PLEKHA7: variants seen among roughly 807,000 people sequenced by gnomAD.
The protein encoded by PLEKHA7 is pleckstrin homology domain containing A7.
In PLEKHA7, 104 loss-of-function variants were observed where a neutral mutation model predicts 170.0. That is an observed-to-expected ratio of 0.61 (90% CI 0.52 to 0.72). The LOEUF (loss-of-function observed/expected upper bound fraction) is 0.72. Ranked by LOEUF, PLEKHA7 falls within the 30% of genes least tolerant of loss-of-function variation. The pLI is 0.00. For synonymous variants in PLEKHA7, 648 were observed against 660.8 expected (o/e 0.98, Z 0.30); for missense variants, 1,615 against 1,671.7 (o/e 0.97, Z 0.59).
In PLEKHA7 at chr11:16,826,593, G is replaced by T. The variant is rs201351425; in HGVS notation, c.873-3C>A. On this transcript the variant is annotated splice_region_variant and splice_polypyrimidine_tract_variant and intron_variant, in intron 9 of 26. Coordinates refer to ENST00000531066, the MANE Select transcript of PLEKHA7 (RefSeq NM_001329630.2). ...GCCGCTCCACCTTCTCCATATCCCT[G>T]CAATGACAGCAGCACATTCAGTTTG... 1.3e-4 allele frequency: 217 copies of T among 1,608,194 alleles called. No individual in the cohort carries two copies. Among genetic ancestry groups the T allele is most frequent in the Middle Eastern group, 1.6e-4 (1 of 6,072 alleles).
chr11:17,011,009 T>C (rs566513064), intron 3 of PLEKHA7, among the ~76,000 whole-genome samples: 68 of 152,318 alleles, frequency 4.5e-4, no homozygotes, highest in South Asian at 6.2e-4. Flanking sequence ...TTGCTTTTTC[T>C]AGGCCTGGGA....
chr11:16,823,250 A>C (rs1850384020), intron 10 of PLEKHA7, among the ~76,000 whole-genome samples: 1 of 152,032 alleles, frequency 6.6e-6, no homozygotes, highest in South Asian at 2.1e-4. Flanking sequence ...AAGCGATCCT[A>C]CCACCTCGGC....
rs1848814652 is a variant in PLEKHA7, at chr11:16,778,766, T to C, written c.*232A>G. 2 of 593,012 alleles carry C rather than the reference T, an allele frequency of 3.4e-6. No homozygotes were observed. Among genetic ancestry groups the C allele is most frequent in the South Asian group, 2.0e-5 (1 of 50,238 alleles). 36.7% of individuals were successfully genotyped at this position (593,012 alleles called of 1,614,324 possible). A position where few individuals can be genotyped will look rare whatever the true frequency, so the allele number is the denominator to read the frequency against. On this transcript the variant is annotated 3_prime_UTR_variant, in exon 27 of 27. Coordinates refer to ENST00000531066, the MANE Select transcript of PLEKHA7 (RefSeq NM_001329630.2). ...TTCTAAAATACAGTGTATTTTACAGTGTATATCAAAAGTGCCTTTGCCATT... is the reference window on the plus strand; with the variant it reads ...TTCTAAAATACAGTGTATTTTACAGCGTATATCAAAAGTGCCTTTGCCATT...
At chr11:16,780,019 C>T (rs116531741) in intron 26 of PLEKHA7, among the ~76,000 whole-genome samples, 1,904 of 151,714 alleles carry the variant, frequency 0.013, 42 homozygotes, top group African/African-American at 0.044. Flanking sequence ...TTGTGTGGAT[C>T]GAAAGAGATA....
At chr11:16,807,163 C>G in intron 13 of PLEKHA7, 1 of 985,400 alleles carries the variant, frequency 1.0e-6, no homozygotes, top group South Asian at 4.7e-5. Flanking sequence ...GGGCCGACAG[C>G]CCCGTGCTGA....
At chr11:17,007,966 T>G (rs1865111200) in intron 3 of PLEKHA7, among the ~76,000 whole-genome samples, 1 of 152,178 alleles carries the variant, frequency 6.6e-6, no homozygotes, top group Non-Finnish European at 1.5e-5. Flanking sequence ...AAGCTAATAC[T>G]TTTTCCTTCT....
intron 4 of PLEKHA7, among the ~76,000 whole-genome samples, chr11:16,868,668 C>G (rs967889478): frequency 6.6e-6 from 1 of 152,204 alleles, no homozygotes; most frequent in Non-Finnish European, 1.5e-5. Flanking sequence ...CAAGGAATGT[C>G]TGGCCAATCA....
intron 3 of PLEKHA7, among the ~76,000 whole-genome samples, chr11:16,880,161 A>T (rs1855604022): frequency 6.6e-6 from 1 of 152,160 alleles, no homozygotes; most frequent in African/African-American, 2.4e-5. Flanking sequence ...CAGCCCAGGC[A>T]ACTACTCAAC....
At chr11:16,909,818 G>T (rs1376979193) in intron 3 of PLEKHA7, among the ~76,000 whole-genome samples, 3 of 152,154 alleles carry the variant, frequency 2.0e-5, no homozygotes, top group Non-Finnish European at 2.9e-5. Flanking sequence ...TCCTCTCTGG[G>T]TGCTGGCAAT....
chr11:16,949,427 T>C (rs1861266267), intron 3 of PLEKHA7, among the ~76,000 whole-genome samples: 1 of 152,124 alleles, frequency 6.6e-6, no homozygotes, highest in Non-Finnish European at 1.5e-5. Flanking sequence ...GGGAGCGGTG[T>C]GACTGAAAAT....
At chr11:16,970,108 C>T (rs766770726) in intron 3 of PLEKHA7, among the ~76,000 whole-genome samples, 15 of 152,158 alleles carry the variant, frequency 9.9e-5, no homozygotes, top group Non-Finnish European at 2.1e-4. Flanking sequence ...GGACAGAGGA[C>T]AGACCAGGAC....
intron 9 of PLEKHA7, among the ~76,000 whole-genome samples, chr11:16,837,917 G>A (rs909535415): frequency 3.3e-5 from 5 of 152,162 alleles, no homozygotes; most frequent in African/African-American, 1.2e-4. Flanking sequence ...ACTATCGGTG[G>A]TGCCCCAGTG....
rs531456227 is a variant in PLEKHA7 at position 16,899,272 on chromosome 11, G to A, written c.222-28090C>T. On this transcript the variant is annotated intron_variant, in intron 3 of 26. Coordinates refer to ENST00000531066, the MANE Select transcript of PLEKHA7 (RefSeq NM_001329630.2). The stretch of plus-strand genomic sequence containing the variant: ...AACACTTTGGGAGGCTGAGGCAGGC[G>A]GATCACCTGAGGTCGGGAGTTTGAG... Among the ~76,000 whole-genome samples, 57 of 152,292 alleles carry A rather than the reference G, an allele frequency of 3.7e-4. No homozygotes were observed. The East Asian group carries it at 8.7e-3, about 23-fold the overall frequency.
chr11:16,861,068 T>C (rs1445801395), intron 4 of PLEKHA7, among the ~76,000 whole-genome samples: 1 of 152,246 alleles, frequency 6.6e-6, no homozygotes, highest in Non-Finnish European at 1.5e-5. Context: ...CCAAGGCATA[T>C]GTCTCCAGAA....
At chr11:16,888,180 G>A (rs1856306916) in intron 3 of PLEKHA7, among the ~76,000 whole-genome samples, 1 of 152,108 alleles carries the variant, frequency 6.6e-6, no homozygotes, top group South Asian at 2.1e-4. Context: ...TCTGGGAAGT[G>A]AGGAGCCCCT....
chr11:16,816,288 C>T (rs769132246), intron 11 of PLEKHA7, 24 bp from the exon 12 acceptor site: 1 of 1,578,356 alleles, frequency 6.3e-7, no homozygotes, highest in South Asian at 1.1e-5. Context: ...GACAAGAAGT[C>T]ACACTGGAGC....
rs1214574382 is a variant in PLEKHA7, at chr11:16,954,015, CA to C, written c.221+59973del. On this transcript the variant is annotated intron_variant, in intron 3 of 26. Coordinates refer to ENST00000531066, the MANE Select transcript of PLEKHA7 (RefSeq NM_001329630.2). The stretch of plus-strand genomic sequence containing the variant: ...GACCCCTCACACACACAGGAAGCTA[CA>C]ATTAGTTGGGGAGTCATATGGAAAT... Among the ~76,000 whole-genome samples the C allele has an allele frequency of 6.6e-5, 10 of 152,168 alleles. No homozygotes were observed. The East Asian group carries it at 1.9e-3, about 29-fold the overall frequency.
intron 26 of PLEKHA7, among the ~76,000 whole-genome samples, chr11:16,780,395 C>T (rs779995357): frequency 1.3e-5 from 2 of 152,240 alleles, no homozygotes; most frequent in Non-Finnish European, 2.9e-5. Flanking sequence ...CCCTTTCTCT[C>T]CCTCTTAAAG....
At chr11:16,946,120 G>A (rs1861014454) in intron 3 of PLEKHA7, among the ~76,000 whole-genome samples, 1 of 152,176 alleles carries the variant, frequency 6.6e-6, no homozygotes, top group Non-Finnish European at 1.5e-5. Context: ...AGCCTGCTGT[G>A]GCGCCACCCA....
Sources: gnomAD v4.1 joint callset for allele counts (sites outside exome capture counted in the v4.1 genomes callset) on GRCh38, gnomAD v4.1.1 for gene constraint, MANE v1.5 for transcripts, NCBI Gene and HGNC (gene_info 2026-07-23, HGNC 2026-07-21) for gene names.